Variants in CAPN15 observed in about 807,000 individuals in gnomAD.
CAPN15 encodes the protein calpain-15.
In CAPN15, 53 loss-of-function variants were observed where a neutral mutation model predicts 97.9. The observed-to-expected ratio is 0.54, with a 90% CI of 0.43 to 0.68. CAPN15 has a LOEUF of 0.68. Among genes scored for constraint, CAPN15 ranks in the 30% least tolerant of loss-of-function variants. CAPN15 has a pLI of 0.00. For synonymous variants in CAPN15, 922 were observed against 722.5 expected, an observed-to-expected ratio of 1.28 and a Z score of -4.43; for missense variants, 1,592 against 1,589.8, an observed-to-expected ratio of 1.00 and a Z score of -0.02.
rs1156692231 is a variant in CAPN15 at position 552,726 on chromosome 16, C to T, written c.2859C>T (p.Ala953=). 62 of 1,544,202 alleles carry T rather than the reference C, an allele frequency of 4.0e-5. No individual in the cohort carries two copies. Among genetic ancestry groups the T allele is most frequent in the African/African-American group, 1.2e-4 (9 of 72,870 alleles). The stretch of plus-strand genomic sequence containing the variant: ...TGGAAGCCCAGCCGACCACGCTGGC[C>T]GACGCCATCATCCTGCTCACCGAGA... The part of the protein sequence containing the change: ...EPVEAQPTTL[A]DAIILLTESR... Residue 953 remains alanine (A), a synonymous_variant, in exon 12 of 14, where the codon GCC becomes GCT. Transcript: ENST00000219611. The surrounding 1 kb of genome is among the most constrained non-coding windows in gnomAD (Gnocchi z 6.4).
intron 7 of CAPN15, among the ~76,000 whole-genome samples, chr16:550,129 G>A (rs757201479): frequency 1.1e-4 from 14 of 131,732 alleles, no homozygotes; most frequent in African/African-American, 2.7e-4. Flanking sequence ...GACCTGGGCC[G>A]TGGGGCGAGA....
chr16:534,452 G>A (rs936722556), intron 2 of CAPN15, among the ~76,000 whole-genome samples: 8 of 152,174 alleles, frequency 5.3e-5, no homozygotes, highest in Admixed American at 1.3e-4. Context: ...GCGGGCGGTC[G>A]GAGTCCACGT....
intron 3 of CAPN15, 91 bp downstream of exon 3, chr16:536,233 G>C (rs949073307): frequency 3.6e-6 from 1 of 278,856 alleles, no homozygotes; most frequent in South Asian, 1.3e-4. Context: ...CCCCCCTGCC[G>C]AGGTCTGGCC....
At chr16:545,645 G>A (rs1012759531) in intron 3 of CAPN15, among the ~76,000 whole-genome samples, 3 of 152,242 alleles carry the variant, frequency 2.0e-5, no homozygotes, top group Non-Finnish European at 4.4e-5. Flanking sequence ...GGGGACCCGG[G>A]TTCTCATTCT....
chr16:533,434 C>T (rs1285383386), intron 1 of CAPN15, among the ~76,000 whole-genome samples: 3 of 152,216 alleles, frequency 2.0e-5, no homozygotes, highest in Middle Eastern at 3.4e-3. Flanking sequence ...CTGTAGTGGC[C>T]GGGTGGCACT....
intron 1 of CAPN15, among the ~76,000 whole-genome samples, chr16:533,398 C>G (rs936182475): frequency 1.3e-5 from 2 of 152,160 alleles, no homozygotes; most frequent in South Asian, 2.1e-4. Context: ...CCGCCTGGCT[C>G]GAAGCAGTGG....
At chr16:550,735 TCGGTGAGGGTCCCG>T (rs2034948581) in intron 7 of CAPN15, among the ~76,000 whole-genome samples, 4 of 121,122 alleles carry the variant, frequency 3.3e-5, no homozygotes, top group Non-Finnish European at 5.1e-5. Context: ...AGGGTCCCCG[TCGGTGAGGGTCCCG>T]GTCGGTGAGG....
At chr16:532,453 G>A (rs913995760) in intron 1 of CAPN15, among the ~76,000 whole-genome samples, 1 of 151,222 alleles carries the variant, frequency 6.6e-6, no homozygotes, top group Non-Finnish European at 1.5e-5. Flanking sequence ...TGTTTGGGAG[G>A]CTGAGACACT....
In CAPN15 at chr16:552,316, G is replaced by T; in HGVS notation, c.2523G>T (p.Val841=). ...FQEGSRRSDA[V]DSHLLDLCIL... is the part of the protein sequence containing the mutation. ...TCTGGCGCAGGCGCTCGGACGCCGTGGACAGCCACCTGCTGGACCTGTGCA... is the reference window on the plus strand; with the variant it reads ...TCTGGCGCAGGCGCTCGGACGCCGTTGACAGCCACCTGCTGGACCTGTGCA... The change falls in exon 11 of 14, where the codon GTG becomes GTT. Residue 841 remains valine, a synonymous_variant. Transcript: ENST00000219611. This position sits in a 1 kb window ranked among gnomAD's most constrained non-coding sequence, Gnocchi z 6.4. 1.3e-6 allele frequency: 2 copies of T among 1,570,952 alleles called. No individual in the cohort carries two copies. Among genetic ancestry groups the T allele is most frequent in the Non-Finnish European group, 1.7e-6 (2 of 1,163,772 alleles).
intron 3 of CAPN15, among the ~76,000 whole-genome samples, chr16:540,595 C>T (rs577967639): frequency 2.0e-5 from 3 of 152,210 alleles, no homozygotes; most frequent in South Asian, 2.1e-4. Flanking sequence ...CCAATCCCGG[C>T]GGCCCTGTGT....
chr16:534,023 G>A lies in CAPN15; in HGVS notation c.-137+25G>A, dbSNP rs903433461. ...GGTGAGTTTGTTCCCAAGCCCTGCG[G>A]CTCGTTTATGGGTTTGCTTGCGCTG... On this transcript the variant is annotated intron_variant, in intron 2 of 13. Transcript: ENST00000219611. 8 of 982,334 alleles carry A rather than the reference G, an allele frequency of 8.1e-6. No individual in the cohort carries two copies. In the African/African-American group the frequency reaches 1.4e-4, roughly 17 times the overall value. The allele number at this position is 982,334 out of a possible 1,614,324, so 60.9% of individuals were successfully genotyped here. A position where few individuals can be genotyped will look rare whatever the true frequency, so the allele number is the denominator to read the frequency against.
At position 547,776 on chromosome 16, in the gene CAPN15, G is replaced by A. The variant is rs1250535838; in HGVS notation, c.938G>A (p.Gly313Asp). The A allele has an allele frequency of 6.2e-7, 1 of 1,610,944 alleles. No individual in the cohort carries two copies. Among genetic ancestry groups the A allele is most frequent in the Non-Finnish European group, 8.5e-7 (1 of 1,178,922 alleles). ...GGTGGCACCAGCCGCGTAGAGGCCG[G>A]CAGCTCCACCTCGGGCAGTGACATC... ...TEGGTSRVEA[G>D]SSTSGSDIID... The change falls in exon 4 of 14, where the codon GGC (glycine) becomes GAC (aspartate). Residue 313 changes from glycine (G) to aspartate (D), a missense_variant. Physicochemically the swap from Gly to Asp is moderately conservative, Grantham distance 94. Coordinates refer to ENST00000219611, the MANE Select transcript of CAPN15 (RefSeq NM_005632.3).
intron 9 of CAPN15, 56 bp downstream of exon 9, chr16:551,720 C>G (rs1007751553): frequency 2.4e-4 from 379 of 1,573,238 alleles, no homozygotes; most frequent in Admixed American, 3.1e-4. Context: ...GGGCCGAGTC[C>G]TTCTCTGGAG....
chr16:546,554 G>A (rs2142032239), intron 3 of CAPN15, among the ~76,000 whole-genome samples: 1 of 152,370 alleles, frequency 6.6e-6, no homozygotes, highest in Middle Eastern at 3.4e-3. Flanking sequence ...CAGCCCGGCT[G>A]TGGGGTGCTC....
rs540453854 is a variant in CAPN15 at position 543,030 on chromosome 16, G to A, written c.-22-3787G>A. On this transcript the variant is annotated intron_variant, in intron 3 of 13. Coordinates refer to ENST00000219611, the MANE Select transcript of CAPN15 (RefSeq NM_005632.3). ...TGCACCACTGCACTCCAGTGTGGGCGACAGAGTGAGACTCTGTCTCAAAAT... is the reference window on the plus strand; with the variant it reads ...TGCACCACTGCACTCCAGTGTGGGCAACAGAGTGAGACTCTGTCTCAAAAT... 1.3e-4 allele frequency among the ~76,000 whole-genome samples: 20 copies of A among 152,076 alleles called. 1 individual carries two copies. The South Asian group carries it at 3.3e-3, about 25-fold the overall frequency.
intron 8 of CAPN15, 38 bp from the exon 9 acceptor site, chr16:551,474 G>T: frequency 6.2e-7 from 1 of 1,601,624 alleles, no homozygotes; most frequent in Non-Finnish European, 8.5e-7. Flanking sequence ...GTGAGACTCG[G>T]GCAGTGTGGT....
At chr16:542,370 C>T (rs558801039) in intron 3 of CAPN15, among the ~76,000 whole-genome samples, 86 of 152,258 alleles carry the variant, frequency 5.6e-4, no homozygotes, top group African/African-American at 1.7e-3. Context: ...TCTTCCGCAG[C>T]GGCTGCATTA....
At chr16:540,131 C>T in intron 3 of CAPN15, 1 of 985,476 alleles carries the variant, frequency 1.0e-6, no homozygotes, top group Non-Finnish European at 1.2e-6. Context: ...TCCGCTTCGC[C>T]CGCTGCTGGC....
chr16:554,069 C>T lies in CAPN15; in HGVS notation c.*553C>T, dbSNP rs1293977289. On this transcript the variant is annotated 3_prime_UTR_variant, in exon 14 of 14. Coordinates refer to ENST00000219611, the MANE Select transcript of CAPN15 (RefSeq NM_005632.3). ...TCAGAAGAAGGGGCCCTTGGCCAGC[C>T]CCCCAGCGACACTATGCAAATCCTG... 5.6e-6 allele frequency: 1 copy of T among 178,464 alleles called. No homozygotes were observed. Among genetic ancestry groups the T allele is most frequent in the Non-Finnish European group, 1.2e-5 (1 of 84,146 alleles). The allele number at this position is 178,464 out of a possible 1,614,324, so 11.1% of individuals were successfully genotyped here.
Sources: allele counts gnomAD v4.1 joint callset (sites outside exome capture counted in the v4.1 genomes callset), GRCh38; gene constraint gnomAD v4.1.1; non-coding constraint Gnocchi (gnomAD v3.1); transcripts MANE v1.5; gene names NCBI Gene and HGNC (gene_info 2026-07-23, HGNC 2026-07-21).